Variants in PLSCR2 observed in about 807,000 individuals in gnomAD.
The protein encoded by PLSCR2 is phospholipid scramblase 2.
In PLSCR2, 18 loss-of-function variants were observed where a neutral mutation model predicts 25.3. The ratio of observed to expected loss-of-function variants is 0.71; its 90% CI spans 0.49 to 1.06. The LOEUF (loss-of-function observed/expected upper bound fraction) is 1.06, where lower values mean the gene tolerates loss of function less well. PLSCR2 is among the 50% of genes least tolerant of loss of function. The pLI is 0.00. For missense variants in PLSCR2, 243 were observed against 269.5 expected (o/e 0.90, Z 0.69); for synonymous variants, 88 against 87.3 (o/e 1.01, Z -0.04).
At position 146,492,033 on chromosome 3, in the gene PLSCR2, A is replaced by G. The variant is rs901969689; in HGVS notation, c.-293+3862T>C. On this transcript the variant is annotated intron_variant, in intron 1 of 8. Coordinates refer to the PLSCR2 transcript ENST00000336685. ...TGTTTTTGTATCCTTTGATGCCCTG[A>G]AGGATTTGACTGTGTTATAAGTTGG... Among the ~76,000 whole-genome samples the G allele has an allele frequency of 3.9e-5, 6 of 152,186 alleles. No homozygotes were observed. The East Asian group carries it at 1.2e-3, about 29-fold the overall frequency.
downstream of PLSCR2, among the ~76,000 whole-genome samples, chr3:146,440,734 G>T (rs1018323267): frequency 6.6e-6 from 1 of 152,122 alleles, no homozygotes; most frequent in Non-Finnish European, 1.5e-5. Context: ...GGAGGTAAAC[G>T]TGTAGGATCA....
intron 1 of PLSCR2, among the ~76,000 whole-genome samples, chr3:146,474,442 A>C (rs2042218810): frequency 6.6e-6 from 1 of 152,020 alleles, no homozygotes; most frequent in African/African-American, 2.4e-5. Flanking sequence ...TCTTTTTTTT[A>C]AGAATGTTGA....
At chr3:146,393,596 G>A (rs2038169968) in intron 3 of PLSCR2, among the ~76,000 whole-genome samples, 1 of 151,742 alleles carries the variant, frequency 6.6e-6, no homozygotes, top group Admixed American at 6.6e-5. Context: ...AGATCACGAG[G>A]TCAAGAGATT....
intron 3 of PLSCR2, among the ~76,000 whole-genome samples, chr3:146,394,118 C>T (rs1387121970): frequency 2.0e-5 from 3 of 151,198 alleles, no homozygotes; most frequent in Admixed American, 1.3e-4. Flanking sequence ...CTTTTTTTTC[C>T]CCTGGTATTA....
At chr3:146,459,738 A>T in intron 2 of PLSCR2, 110 bp downstream of exon 2, 1 of 741,254 alleles carries the variant, frequency 1.3e-6, no homozygotes, top group Non-Finnish European at 2.2e-6. Context: ...GACTTTAATT[A>T]ATTAATAAGC....
intron 2 of PLSCR2, among the ~76,000 whole-genome samples, chr3:146,402,498 C>G (rs576419534): frequency 6.6e-6 from 1 of 151,680 alleles, no homozygotes; most frequent in East Asian, 1.9e-4. Flanking sequence ...GATGGAGTCT[C>G]ACTCTGTTGC....
intron 6 of PLSCR2, among the ~76,000 whole-genome samples, chr3:146,442,777 C>T (rs1309422131): frequency 6.6e-6 from 1 of 151,724 alleles, no homozygotes; most frequent in Admixed American, 6.6e-5. Flanking sequence ...GGATTTTGAC[C>T]CTCATTTCAC....
At chr3:146,473,483 T>A (rs1038021474) in intron 1 of PLSCR2, among the ~76,000 whole-genome samples, 6 of 151,990 alleles carry the variant, frequency 3.9e-5, no homozygotes, top group African/African-American at 1.5e-4. Flanking sequence ...TTTTTGTATT[T>A]TTAGTAGAGA....
downstream of PLSCR2, among the ~76,000 whole-genome samples, chr3:146,439,815 C>T (rs141179705): frequency 3.4e-3 from 521 of 152,296 alleles, 4 homozygotes; most frequent in African/African-American, 0.012. Context: ...CCATTGCTGG[C>T]GAGGAGCTGC....
intron 2 of PLSCR2, among the ~76,000 whole-genome samples, chr3:146,414,777 C>T (rs1418713990): frequency 1.3e-5 from 2 of 152,168 alleles, no homozygotes; most frequent in Admixed American, 1.3e-4. Flanking sequence ...CTTCTATTAA[C>T]AAAATTTCTG....
intron 2 of PLSCR2, among the ~76,000 whole-genome samples, chr3:146,413,433 T>C (rs1342352331): frequency 6.6e-6 from 1 of 152,244 alleles, no homozygotes; most frequent in African/African-American, 2.4e-5. Flanking sequence ...AAGTCATTTC[T>C]ATCCTCTTGT....
rs371220249 is a variant in PLSCR2, at chr3:146,487,798, C to A, written c.-293+8097G>T. On this transcript the variant is annotated intron_variant, in intron 1 of 8. Transcript: ENST00000336685. ...CTTCCATTAAACTACCATTGACATT[C>A]TTCACAGAATTAGAAAAAAAACTGC... Among the ~76,000 whole-genome samples, 289 of 152,196 alleles carry A rather than the reference C, an allele frequency of 1.9e-3. 11 individuals are homozygous for A. In the South Asian group the frequency reaches 0.058, roughly 31 times the overall value.
chr3:146,449,495 ATATGT>A (rs577573229), intron 5 of PLSCR2, 128 bp from the exon 6 acceptor site: 16 of 566,490 alleles, frequency 2.8e-5, no homozygotes, highest in African/African-American at 2.1e-4. Context: ...TATACAGTTA[ATATGT>A]TATATTAGAT....
intron 6 of PLSCR2, among the ~76,000 whole-genome samples, chr3:146,442,131 A>G (rs761208063): frequency 5.3e-5 from 8 of 152,000 alleles, no homozygotes; most frequent in Admixed American, 5.2e-4. Context: ...TTCTTATTTA[A>G]TGTTTTGCAG....
intron 8 of PLSCR2, among the ~76,000 whole-genome samples, chr3:146,436,098 T>C (rs1373743153): frequency 1.3e-5 from 2 of 152,180 alleles, no homozygotes; most frequent in Non-Finnish European, 2.9e-5. Flanking sequence ...TGTGGTATTA[T>C]TTCTGAGGGC....
At chr3:146,429,186 A>G (rs757947636), downstream of PLSCR2, among the ~76,000 whole-genome samples, 21 of 152,226 alleles carry the variant, frequency 1.4e-4, no homozygotes, top group Non-Finnish European at 2.5e-4. Context: ...GTGAGGCCTC[A>G]GGAAGTTTAC....
chr3:146,469,909 T>G (rs1044502671), intron 1 of PLSCR2, among the ~76,000 whole-genome samples: 1 of 151,768 alleles, frequency 6.6e-6, no homozygotes, highest in East Asian at 2.0e-4. Flanking sequence ...AGGGCACAGA[T>G]GAACTGGGAC....
At chr3:146,463,024 G>A (rs2041688865), upstream of PLSCR2, among the ~76,000 whole-genome samples, 1 of 152,074 alleles carries the variant, frequency 6.6e-6, no homozygotes, top group Non-Finnish European at 1.5e-5. Context: ...AGGTCCTGTG[G>A]CCCTGTCATG....
upstream of PLSCR2, among the ~76,000 whole-genome samples, chr3:146,461,184 T>A (rs992795754): frequency 6.6e-6 from 1 of 152,176 alleles, no homozygotes; most frequent in African/African-American, 2.4e-5. Context: ...TGAAAAATAA[T>A]TTCAAGGGAC....
Sources: gnomAD v4.1 joint callset for allele counts (sites outside exome capture counted in the v4.1 genomes callset) on GRCh38, gnomAD v4.1.1 for gene constraint, MANE v1.5 for transcripts, NCBI Gene and HGNC (gene_info 2026-07-23, HGNC 2026-07-21) for gene names.